Variants in GRM1 observed in about 807,000 individuals in gnomAD.
GRM1 encodes metabotropic glutamate receptor 1.
In GRM1, 33 loss-of-function variants were observed where a neutral mutation model predicts 90.9. That is an observed-to-expected ratio of 0.36 (90% CI 0.28 to 0.49). The LOEUF (loss-of-function observed/expected upper bound fraction) is 0.49. Ranked by LOEUF, GRM1 falls within the 20% of genes least tolerant of loss-of-function variation. GRM1 has a pLI of 0.99. For synonymous variants in GRM1, 700 were observed against 613.2 expected (o/e 1.14, Z -2.09); for missense variants, 1,190 against 1,534.3 (o/e 0.78, Z 3.75).
At position 146,357,576 on chromosome 6, in the gene GRM1, T is replaced by G. The variant is rs1239413594; in HGVS notation, c.1484T>G (p.Val495Gly). Residue 495 changes from valine (V) to glycine (G), a missense_variant, in exon 5 of 8, where the codon GTG becomes GGG. Physicochemically the swap from Val to Gly is moderately radical, Grantham distance 109. Coordinates refer to ENST00000282753, the MANE Select transcript of GRM1 (RefSeq NM_001278064.2). Reference sequence around the variant, plus strand: ...ACTGAAGCTAATCGCTATGACTATGTGCACGTTGGAACCTGGCATGAAGGA... The same window carrying G: ...ACTGAAGCTAATCGCTATGACTATGGGCACGTTGGAACCTGGCATGAAGGA... ...QYTEANRYDY[V>G]HVGTWHEGVL... 1 of 1,613,710 alleles carries G rather than the reference T, an allele frequency of 6.2e-7. No homozygotes were observed.
chr6:146,123,514 CTG>C (rs751454797), intron 1 of GRM1, among the ~76,000 whole-genome samples: 1 of 152,322 alleles, frequency 6.6e-6, no homozygotes, highest in Non-Finnish European at 1.5e-5. Context: ...CCAAAAACAT[CTG>C]TACGTTTTCT....
intron 1 of GRM1, among the ~76,000 whole-genome samples, chr6:146,103,309 G>C (rs1777111898): frequency 6.6e-6 from 1 of 152,108 alleles, no homozygotes; most frequent in East Asian, 1.9e-4. Context: ...GTTTGCTATT[G>C]ACAGTGTCAC....
At chr6:146,272,243 G>T (rs1187125537) in intron 2 of GRM1, among the ~76,000 whole-genome samples, 1 of 152,130 alleles carries the variant, frequency 6.6e-6, no homozygotes. Context: ...ATCATTTAAA[G>T]AAATACAAAT....
intron 7 of GRM1, among the ~76,000 whole-genome samples, chr6:146,414,996 C>T (rs1777724887): frequency 6.6e-6 from 1 of 152,134 alleles, no homozygotes; most frequent in Admixed American, 6.6e-5. Flanking sequence ...TACTGTATTG[C>T]ATTATTACTG....
In GRM1 at chr6:146,216,163, G is replaced by A. The variant is rs547498659; in HGVS notation, c.950+56566G>A. Among the ~76,000 whole-genome samples the A allele has an allele frequency of 1.2e-4, 18 of 152,246 alleles. No homozygotes were observed. In the South Asian group the frequency reaches 2.9e-3, roughly 25 times the overall value. On this transcript the variant is annotated intron_variant, in intron 2 of 7. Transcript: ENST00000282753. ...ATTATATATATGTATGTATATGTATGTATCAGACTCTAGTATGTATTAGAT... is the reference window on the plus strand; with the variant it reads ...ATTATATATATGTATGTATATGTATATATCAGACTCTAGTATGTATTAGAT...
At chr6:146,422,690 C>G (rs1311419487) in intron 7 of GRM1, among the ~76,000 whole-genome samples, 1 of 152,106 alleles carries the variant, frequency 6.6e-6, no homozygotes, top group African/African-American at 2.4e-5. Context: ...CAAATTCTAA[C>G]TTCATTTAAA....
chr6:146,259,753 C>T (rs954661140), intron 2 of GRM1, among the ~76,000 whole-genome samples: 1 of 152,036 alleles, frequency 6.6e-6, no homozygotes, highest in African/African-American at 2.4e-5. Context: ...AATAATGCTT[C>T]AAGGAACATG....
intron 1 of GRM1, among the ~76,000 whole-genome samples, chr6:146,131,610 C>G (rs1248562513): frequency 6.6e-6 from 1 of 152,056 alleles, no homozygotes; most frequent in African/African-American, 2.4e-5. Flanking sequence ...AGAGTTTGTC[C>G]AGCAGACTAA....
chr6:146,074,029 T>C (rs1776102384), intron 1 of GRM1, among the ~76,000 whole-genome samples: 1 of 152,104 alleles, frequency 6.6e-6, no homozygotes, highest in South Asian at 2.1e-4. Flanking sequence ...TTAAGGATCA[T>C]GTGAATGTTT....
Position 146,090,767 on chromosome 6 carries a change from G to T in GRM1, c.700+60550G>T, listed in dbSNP as rs573305498. 2.6e-4 allele frequency among the ~76,000 whole-genome samples: 39 copies of T among 152,124 alleles called. No individual in the cohort carries two copies. In the South Asian group the frequency reaches 7.3e-3, roughly 28 times the overall value. On this transcript the variant is annotated intron_variant, in intron 1 of 7. Coordinates refer to ENST00000282753, the MANE Select transcript of GRM1 (RefSeq NM_001278064.2). ...GAAGTCCAAACCCAGGTGGCTTAAGGTTACCGAGGCATTGAGAGCTTCTAG... is the reference window on the plus strand; with the variant it reads ...GAAGTCCAAACCCAGGTGGCTTAAGTTTACCGAGGCATTGAGAGCTTCTAG...
intron 2 of GRM1, among the ~76,000 whole-genome samples, chr6:146,284,985 C>A (rs150254351): frequency 3.0e-3 from 451 of 152,300 alleles, no homozygotes; most frequent in African/African-American, 0.011. Flanking sequence ...AAGCACCTCA[C>A]CCAATGAGAG....
chr6:146,399,910 G>A lies in GRM1; in HGVS notation c.2660+211G>A, dbSNP rs1251187316. Among the ~76,000 whole-genome samples the A allele has an allele frequency of 6.6e-6, 1 of 152,096 alleles. No individual in the cohort carries two copies. Among genetic ancestry groups the A allele is most frequent in the Non-Finnish European group, 1.5e-5 (1 of 68,024 alleles). On this transcript the variant is annotated intron_variant, in intron 7 of 7. Transcript: ENST00000282753. The surrounding 1 kb of genome is among the most constrained non-coding windows in gnomAD (Gnocchi z 5.4). ...GTTGCAGTAAGAATGCAGAACTGAG[G>A]CTCCTCCCTGTTTTCATTTCTTTGA...
chr6:146,217,030 T>C (rs1779895225), intron 2 of GRM1, among the ~76,000 whole-genome samples: 1 of 152,274 alleles, frequency 6.6e-6, no homozygotes, highest in Admixed American at 6.5e-5. Flanking sequence ...AATAGACATA[T>C]ATGTCTATCA....
intron 7 of GRM1, among the ~76,000 whole-genome samples, chr6:146,412,781 G>A (rs1053681991): frequency 6.6e-6 from 1 of 152,084 alleles, no homozygotes; most frequent in Non-Finnish European, 1.5e-5. Context: ...TTCCATGATA[G>A]TCATACAAAT....
In GRM1 at chr6:146,099,983, C is replaced by G. The variant is rs1219827718; in HGVS notation, c.701-59365C>G. On this transcript the variant is annotated intron_variant, in intron 1 of 7. Transcript: ENST00000282753. ...TGCATGTATAAATTTATATTTCTAC[C>G]AGCAGTGTATGACAATTCCTACTGC... 3.3e-5 allele frequency among the ~76,000 whole-genome samples: 5 copies of G among 152,294 alleles called. No homozygotes were observed. The South Asian group carries it at 1.0e-3, about 32-fold the overall frequency.
chr6:146,285,905 T>C (rs373724584), intron 2 of GRM1, among the ~76,000 whole-genome samples: 1 of 152,220 alleles, frequency 6.6e-6, no homozygotes, highest in African/African-American at 2.4e-5. Flanking sequence ...AAATTGGATA[T>C]GCATATTTCA....
chr6:146,270,410 T>C (rs1782070143), intron 2 of GRM1, among the ~76,000 whole-genome samples: 2 of 152,228 alleles, frequency 1.3e-5, no homozygotes, highest in African/African-American at 4.8e-5. Context: ...TTCTACATTA[T>C]GTCAGGATTT....
At chr6:146,148,051 T>C (rs1418782265) in intron 1 of GRM1, among the ~76,000 whole-genome samples, 4 of 152,208 alleles carry the variant, frequency 2.6e-5, no homozygotes, top group Admixed American at 6.5e-5. Flanking sequence ...TGGCCAACTT[T>C]ACTTAAAGGC....
chr6:146,316,075 T>G (rs2114956305), intron 3 of GRM1, among the ~76,000 whole-genome samples: 1 of 152,266 alleles, frequency 6.6e-6, no homozygotes, highest in East Asian at 1.9e-4. Context: ...TGACGTAACC[T>G]CTAAGACCCT....
Sources: allele counts gnomAD v4.1 joint callset (sites outside exome capture counted in the v4.1 genomes callset), GRCh38; gene constraint gnomAD v4.1.1; non-coding constraint Gnocchi (gnomAD v3.1); transcripts MANE v1.5; gene names NCBI Gene and HGNC (gene_info 2026-07-23, HGNC 2026-07-21).